Variants in TFEC observed in about 807,000 individuals in gnomAD.
TFEC encodes the protein class E basic helix-loop-helix protein 34.
Under a neutral mutation model 41.6 loss-of-function variants are expected in TFEC, and 31 were observed. The observed-to-expected ratio is 0.74, with a 90% confidence interval of 0.56 to 1.01. The LOEUF is 1.01. Among genes scored for constraint, TFEC ranks in the 50% least tolerant of loss-of-function variants. The probability of loss-of-function intolerance (pLI) is 0.00; values close to 1 mark genes in which losing one functional copy is unlikely to be tolerated. For missense variants in TFEC, 402 were observed against 404.1 expected (o/e 0.99, Z 0.04); for synonymous variants, 143 against 140.6 (o/e 1.02, Z -0.12).
chr7:115,966,101 A>T (rs997431257), intron 3 of TFEC, among the ~76,000 whole-genome samples: 3 of 151,750 alleles, frequency 2.0e-5, no homozygotes, highest in African/African-American at 7.2e-5. Context: ...CAGTCAAAAA[A>T]TCTGAAATCT....
At chr7:116,112,328 C>T (rs146788224) in intron 1 of TFEC, among the ~76,000 whole-genome samples, 17 of 152,104 alleles carry the variant, frequency 1.1e-4, no homozygotes, top group Non-Finnish European at 1.8e-4. Flanking sequence ...CACTTGTATA[C>T]AGGCAACACC....
intron 1 of TFEC, among the ~76,000 whole-genome samples, chr7:116,024,736 T>C (rs1487956441): frequency 1.3e-5 from 2 of 152,212 alleles, no homozygotes; most frequent in Non-Finnish European, 2.9e-5. Context: ...TATCCCCCTG[T>C]TAAGAAGAGT....
rs575358108 is a variant in TFEC, at chr7:115,947,027, G to A, written c.515+3847C>T. Among the ~76,000 whole-genome samples, 26 of 149,450 alleles carry A rather than the reference G, an allele frequency of 1.7e-4. No individual in the cohort carries two copies. The South Asian group carries it at 5.3e-3, about 30-fold the overall frequency. ...GCTGGTGCGCTGCACCCACTAACTC[G>A]TCATCTAGCATTAGGTATATCTCCC... On this transcript the variant is annotated intron_variant, in intron 6 of 7. Coordinates refer to ENST00000265440, the MANE Select transcript of TFEC (RefSeq NM_012252.4).
intron 1 of TFEC, among the ~76,000 whole-genome samples, chr7:116,019,271 C>T (rs959086648): frequency 2.0e-5 from 3 of 152,180 alleles, no homozygotes; most frequent in Admixed American, 2.0e-4. Flanking sequence ...CCTTCAATTG[C>T]TCACTAATTC....
chr7:116,022,290 T>TCCC (rs1259407651), intron 1 of TFEC, among the ~76,000 whole-genome samples: 2 of 152,156 alleles, frequency 1.3e-5, no homozygotes, highest in Non-Finnish European at 2.9e-5. Flanking sequence ...ATTTTAAGAA[T>TCCC]CCCCTTAATT....
In TFEC at chr7:115,952,050, T is replaced by C. The variant is rs575147360; in HGVS notation, c.440-1101A>G. 3.9e-5 allele frequency among the ~76,000 whole-genome samples: 6 copies of C among 152,134 alleles called. No individual in the cohort carries two copies. In the South Asian group the frequency reaches 1.2e-3, roughly 32 times the overall value. ...TAAATGTTGGAAAATACTTAAACAG[T>C]TCACATTTGAGAATTATGAACTGCT... On this transcript the variant is annotated intron_variant, in intron 5 of 7. Transcript: ENST00000265440.
chr7:116,082,059 C>A (rs571753439), intron 3 of TFEC, among the ~76,000 whole-genome samples: 1 of 152,140 alleles, frequency 6.6e-6, no homozygotes, highest in South Asian at 2.1e-4. Context: ...TTCGTTTATA[C>A]ATCTGTCTCC....
chr7:115,965,096 T>C (rs189580754), intron 3 of TFEC, among the ~76,000 whole-genome samples: 33 of 151,698 alleles, frequency 2.2e-4, no homozygotes, highest in African/African-American at 4.3e-4. Context: ...TTCTGTATAG[T>C]TTTACATTAA....
At chr7:116,067,231 CT>C (rs1796714739) in intron 3 of TFEC, among the ~76,000 whole-genome samples, 1 of 151,942 alleles carries the variant, frequency 6.6e-6, no homozygotes, top group Admixed American at 6.6e-5. Flanking sequence ...GTTTATTTTA[CT>C]CAGGATTCCC....
chr7:116,070,126 ATG>A (rs1455133636), intron 3 of TFEC, among the ~76,000 whole-genome samples: 39 of 151,390 alleles, frequency 2.6e-4, no homozygotes, highest in Non-Finnish European at 4.2e-4. Context: ...CAACATAAAT[ATG>A]TGTGTCTATA....
intron 2 of TFEC, among the ~76,000 whole-genome samples, chr7:115,981,154 T>C (rs1309292739): frequency 6.6e-6 from 1 of 152,022 alleles, no homozygotes; most frequent in Non-Finnish European, 1.5e-5. Flanking sequence ...CTAACCTCAG[T>C]CACTTATTTG....
At chr7:115,965,979 G>A (rs937253760) in intron 3 of TFEC, among the ~76,000 whole-genome samples, 1 of 151,084 alleles carries the variant, frequency 6.6e-6, no homozygotes, top group Non-Finnish European at 1.5e-5. Context: ...ACAGCCCTAA[G>A]CCTAAATTAT....
intron 1 of TFEC, among the ~76,000 whole-genome samples, chr7:115,996,755 G>A (rs1447112500): frequency 2.6e-5 from 4 of 152,072 alleles, no homozygotes; most frequent in African/African-American, 7.2e-5. Context: ...GCTGACTGAA[G>A]AGACCTTGGG....
Position 115,940,158 on chromosome 7 carries a change from A to T in TFEC, c.*393T>A, listed in dbSNP as rs1793414263. The T allele has an allele frequency of 6.4e-6, 1 of 156,498 alleles. No homozygotes were observed. The highest frequency in any genetic ancestry group is 1.4e-5 in the Non-Finnish European group (1 of 71,024). 9.7% of individuals were successfully genotyped at this position (156,498 alleles called of 1,614,324 possible). A position where few individuals can be genotyped will look rare whatever the true frequency, so the allele number is the denominator to read the frequency against. ...AAGACTGATGTGAAAGTTGAAGAGA[A>T]GATGGAAATGAGTAACTAAGAGACT... On this transcript the variant is annotated 3_prime_UTR_variant, in exon 8 of 8. Transcript: ENST00000265440.
rs970968300 is a variant in TFEC at position 115,936,822 on chromosome 7, G to T, written c.*3729C>A. ...CATGTAGGTGGGAAAAAAATGAGTTGAAAAAGGAAGAGGAAGGCTATTTCT... is the reference window on the plus strand; with the variant it reads ...CATGTAGGTGGGAAAAAAATGAGTTTAAAAAGGAAGAGGAAGGCTATTTCT... On this transcript the variant is annotated 3_prime_UTR_variant, in exon 8 of 8. Coordinates refer to ENST00000265440, the MANE Select transcript of TFEC (RefSeq NM_012252.4). The T allele has an allele frequency of 1.3e-5, 2 of 151,390 alleles. No homozygotes were observed. Among genetic ancestry groups the T allele is most frequent in the African/African-American group, 4.8e-5 (2 of 41,318 alleles). 9.4% of individuals were successfully genotyped at this position (151,390 alleles called of 1,614,324 possible).
intron 3 of TFEC, among the ~76,000 whole-genome samples, chr7:116,089,047 C>T (rs1797265350): frequency 6.6e-6 from 1 of 152,096 alleles, no homozygotes. Flanking sequence ...CATCAATTCA[C>T]TACAGTCCAT....
rs1013424021 is a variant in TFEC at position 115,977,236 on chromosome 7, G to A, written c.181-2980C>T. ...CAGACAAAATAAGAATTACAAACCC[G>A]CAAGTAAGCATCCTCAAAATAATAA... On this transcript the variant is annotated intron_variant, in intron 2 of 7. Transcript: ENST00000265440. 4.1e-4 allele frequency among the ~76,000 whole-genome samples: 63 copies of A among 151,876 alleles called. 1 individual carries two copies. The highest frequency in any genetic ancestry group is 1.4e-3 in the African/African-American group (60 of 41,380).
intron 3 of TFEC, chr7:115,968,042 A>G (rs1191950478): frequency 1.3e-6 from 1 of 764,840 alleles, no homozygotes; most frequent in African/African-American, 1.8e-5. Context: ...GCTTGTCAAT[A>G]CAGCAGAATA....
intron 1 of TFEC, among the ~76,000 whole-genome samples, chr7:116,112,668 G>A (rs1797882824): frequency 6.6e-6 from 1 of 151,732 alleles, no homozygotes; most frequent in Non-Finnish European, 1.5e-5. Flanking sequence ...CAGGAGCAAT[G>A]GATATATGTA....
Sources: allele counts gnomAD v4.1 joint callset (sites outside exome capture counted in the v4.1 genomes callset), GRCh38; gene constraint gnomAD v4.1.1; transcripts MANE v1.5; gene names NCBI Gene and HGNC (gene_info 2026-07-23, HGNC 2026-07-21).